Variants in CNTNAP5 observed in about 807,000 individuals in gnomAD.
CNTNAP5 encodes contactin-associated protein-like 5.
CNTNAP5 carries 72 observed loss-of-function variants against 150.2 expected under a neutral mutation model. That is an observed-to-expected ratio of 0.48 (90% confidence interval 0.40 to 0.58). The LOEUF (loss-of-function observed/expected upper bound fraction) is 0.58. CNTNAP5 is among the 20% of genes least tolerant of loss of function. The pLI, the probability that CNTNAP5 is intolerant of heterozygous loss-of-function variation, is 0.00. For missense variants in CNTNAP5, 1,636 were observed against 1,626.2 expected, an observed-to-expected ratio of 1.01 and a Z score of -0.10; for synonymous variants, 672 against 619.8, an observed-to-expected ratio of 1.08 and a Z score of -1.25.
At chr2:124,716,270 T>G (rs1679943051) in intron 13 of CNTNAP5, among the ~76,000 whole-genome samples, 1 of 152,172 alleles carries the variant, frequency 6.6e-6, no homozygotes, top group Non-Finnish European at 1.5e-5. Context: ...CTCATGGTAA[T>G]AACCCTAAAT....
intron 21 of CNTNAP5, among the ~76,000 whole-genome samples, chr2:124,874,828 T>G (rs542550556): frequency 1.3e-5 from 2 of 152,144 alleles, no homozygotes; most frequent in South Asian, 4.1e-4. Flanking sequence ...ATAGCATTAT[T>G]TTTTTATGCA....
chr2:124,341,595 C>A (rs184327525), intron 3 of CNTNAP5, among the ~76,000 whole-genome samples: 88 of 152,216 alleles, frequency 5.8e-4, no homozygotes, highest in African/African-American at 1.5e-3. Flanking sequence ...TTACAGAGCT[C>A]CCATCACAGT....
At chr2:124,785,215 G>T (rs1008627928) in intron 17 of CNTNAP5, among the ~76,000 whole-genome samples, 19 of 152,228 alleles carry the variant, frequency 1.2e-4, no homozygotes, top group Admixed American at 1.0e-3. Flanking sequence ...AATACTTGCA[G>T]TGGCCAGGAA....
At chr2:124,153,603 CT>C (rs948493792) in intron 1 of CNTNAP5, among the ~76,000 whole-genome samples, 3,014 of 85,084 alleles carry the variant, frequency 0.035, 28 homozygotes, top group African/African-American at 0.092. Flanking sequence ...CCCCCCGGGA[CT>C]TTTTTTTTTT....
intron 13 of CNTNAP5, among the ~76,000 whole-genome samples, chr2:124,695,589 C>T (rs915454460): frequency 6.6e-6 from 1 of 152,112 alleles, no homozygotes; most frequent in Admixed American, 6.6e-5. Context: ...ATTTTCATAT[C>T]ATTTATAATA....
At chr2:124,201,515 A>G (rs1453308935) in intron 1 of CNTNAP5, among the ~76,000 whole-genome samples, 1 of 152,252 alleles carries the variant, frequency 6.6e-6, no homozygotes, top group Non-Finnish European at 1.5e-5. Context: ...TAGGAAAGGT[A>G]AATAGAGTAT....
intron 1 of CNTNAP5, among the ~76,000 whole-genome samples, chr2:124,125,340 A>T (rs1482235780): frequency 6.6e-6 from 1 of 152,222 alleles, no homozygotes; most frequent in Non-Finnish European, 1.5e-5. Context: ...TGGTAAAGGG[A>T]TCAATTCAAC....
chr2:124,627,766 C>T (rs1481348466), intron 12 of CNTNAP5, among the ~76,000 whole-genome samples: 1 of 152,130 alleles, frequency 6.6e-6, no homozygotes, highest in African/African-American at 2.4e-5. Flanking sequence ...TAATAAACAT[C>T]ACTGAGCTAA....
chr2:124,521,376 A>C (rs1573433195), intron 8 of CNTNAP5, among the ~76,000 whole-genome samples: 1 of 152,296 alleles, frequency 6.6e-6, no homozygotes, highest in African/African-American at 2.4e-5. Flanking sequence ...GAAAGGGCAG[A>C]CCAAAAAATA....
intron 1 of CNTNAP5, among the ~76,000 whole-genome samples, chr2:124,191,162 CT>C (rs1685448817): frequency 6.6e-6 from 1 of 152,126 alleles, no homozygotes; most frequent in African/African-American, 2.4e-5. Context: ...TGTTTTCTGA[CT>C]AAGATCTGAA....
At chr2:124,353,194 G>A (rs1325870214) in intron 3 of CNTNAP5, among the ~76,000 whole-genome samples, 2 of 149,084 alleles carry the variant, frequency 1.3e-5, no homozygotes, top group Non-Finnish European at 3.0e-5. Flanking sequence ...GAGCTTGAAC[G>A]AGAACTCCTT....
intron 7 of CNTNAP5, among the ~76,000 whole-genome samples, chr2:124,498,747 A>G (rs1354891104): frequency 6.6e-6 from 1 of 152,208 alleles, no homozygotes; most frequent in Non-Finnish European, 1.5e-5. Flanking sequence ...TTCCCTCTTT[A>G]GAGCCTGCAT....
chr2:124,908,261 C>T (rs1220917303), intron 22 of CNTNAP5, among the ~76,000 whole-genome samples: 1 of 152,054 alleles, frequency 6.6e-6, no homozygotes, highest in Non-Finnish European at 1.5e-5. Context: ...ATCCCAGCTA[C>T]TCAGGAAGCT....
chr2:124,862,005 G>T (rs1677535344), intron 19 of CNTNAP5, among the ~76,000 whole-genome samples: 1 of 152,072 alleles, frequency 6.6e-6, no homozygotes, highest in African/African-American at 2.4e-5. Context: ...GTAGAGATGG[G>T]GTTTCACCAT....
At chr2:124,895,458 C>T (rs1172695595) in intron 21 of CNTNAP5, among the ~76,000 whole-genome samples, 1 of 151,364 alleles carries the variant, frequency 6.6e-6, no homozygotes, top group Non-Finnish European at 1.5e-5. Context: ...GACCCTTTCT[C>T]CACAACAAAT....
At chr2:124,787,185 C>T (rs1382931349) in intron 17 of CNTNAP5, among the ~76,000 whole-genome samples, 1 of 152,138 alleles carries the variant, frequency 6.6e-6, no homozygotes, top group Non-Finnish European at 1.5e-5. Flanking sequence ...ATGACACTAA[C>T]AAGATATATG....
At chr2:124,248,717 TCA>T (rs560361032) in intron 3 of CNTNAP5, among the ~76,000 whole-genome samples, 7 of 152,168 alleles carry the variant, frequency 4.6e-5, no homozygotes, top group Non-Finnish European at 1.0e-4. Context: ...GTAAATGCAC[TCA>T]CACATTTACA....
chr2:124,538,873 C>T (rs980283873), intron 10 of CNTNAP5, among the ~76,000 whole-genome samples: 1 of 152,166 alleles, frequency 6.6e-6, no homozygotes, highest in Non-Finnish European at 1.5e-5. Context: ...TGATCGATAT[C>T]TCAATAAGCC....
chr2:124,512,257 G>A (rs759069973), intron 8 of CNTNAP5, among the ~76,000 whole-genome samples: 109 of 152,008 alleles, frequency 7.2e-4, no homozygotes, highest in Non-Finnish European at 1.4e-3. Context: ...CTTCCTAGAT[G>A]CACAGTGTAC....
Sources: allele counts gnomAD v4.1 joint callset (sites outside exome capture counted in the v4.1 genomes callset), GRCh38; gene constraint gnomAD v4.1.1; transcripts MANE v1.5; gene names NCBI Gene and HGNC (gene_info 2026-07-23, HGNC 2026-07-21).